The following PTPN22 variants were observed in gnomAD, a reference collection of about 807,000 sequenced individuals.
PTPN22 encodes the protein tyrosine-protein phosphatase non-receptor type 22.
A neutral mutation model predicts 103.3 loss-of-function variants in PTPN22; 85 were observed. The ratio of observed to expected loss-of-function variants is 0.82; its 90% CI spans 0.69 to 0.99. The LOEUF (loss-of-function observed/expected upper bound fraction) is 0.99, where lower values mean the gene tolerates loss of function less well. PTPN22 is among the 50% of genes least tolerant of loss of function. PTPN22 has a pLI of 0.00. For synonymous variants in PTPN22, 323 were observed against 310.2 expected, an observed-to-expected ratio of 1.04 and a Z score of -0.43; for missense variants, 865 against 936.9, an observed-to-expected ratio of 0.92 and a Z score of 1.00.
chr1:113,846,148 C>G (rs559438873), intron 11 of PTPN22, among the ~76,000 whole-genome samples: 1 of 152,246 alleles, frequency 6.6e-6, no homozygotes, highest in African/African-American at 2.4e-5. Context: ...TTAATATGGT[C>G]AAGTTTCATT....
chr1:113,869,134 T>A (rs1309875550), intron 1 of PTPN22, among the ~76,000 whole-genome samples: 1 of 152,130 alleles, frequency 6.6e-6, no homozygotes, highest in Non-Finnish European at 1.5e-5. Flanking sequence ...GAAAATCGCT[T>A]GAACCAGGGA....
exon 12 of PTPN22, chr1:113,838,617 G>T: frequency 1.2e-6 from 2 of 1,612,688 alleles, no homozygotes; most frequent in South Asian, 2.2e-5. Flanking sequence ...TGCTTTGCTT[G>T]ACTCTTTAAA....
chr1:113,826,935 C>T (rs1350036183), intron 18 of PTPN22, among the ~76,000 whole-genome samples: 1 of 152,026 alleles, frequency 6.6e-6, no homozygotes, highest in Admixed American at 6.6e-5. Flanking sequence ...TCCCAAAGTG[C>T]TGGGATTACA....
intron 1 of PTPN22, among the ~76,000 whole-genome samples, chr1:113,864,634 G>T (rs1186698035): frequency 1.4e-5 from 2 of 139,842 alleles, no homozygotes; most frequent in Non-Finnish European, 1.6e-5. Context: ...AAAAAAAAAA[G>T]GCCAGGCATG....
At chr1:113,830,441 A>G (rs1275310129) in intron 16 of PTPN22, among the ~76,000 whole-genome samples, 2 of 152,164 alleles carry the variant, frequency 1.3e-5, no homozygotes, top group Non-Finnish European at 2.9e-5. Flanking sequence ...TGTGAAAAGT[A>G]TAGAAAGGAG....
At chr1:113,848,443 G>A in intron 11 of PTPN22, 97 bp downstream of exon 11, 2 of 1,565,480 alleles carry the variant, frequency 1.3e-6, no homozygotes, top group Non-Finnish European at 1.7e-6. Context: ...TCTCAATTTA[G>A]TTGTGACAAT....
intron 15 of PTPN22, among the ~76,000 whole-genome samples, chr1:113,834,032 T>C (rs892376848): frequency 2.0e-5 from 3 of 152,236 alleles, no homozygotes; most frequent in African/African-American, 4.8e-5. Context: ...TTGAAATTCT[T>C]TATCTTTCAT....
intron 9 of PTPN22, among the ~76,000 whole-genome samples, chr1:113,853,897 G>T (rs1320315468): frequency 1.8e-5 from 2 of 110,374 alleles, no homozygotes; most frequent in Admixed American, 1.3e-4. Context: ...ACAGAGTCTC[G>T]CTCTGTCACC....
exon 10 of PTPN22, chr1:113,852,037 A>G (rs751335803): frequency 4.4e-6 from 7 of 1,607,264 alleles, no homozygotes; most frequent in Non-Finnish European, 6.0e-6. Context: ...CTGCGTTTGA[A>G]CTAATGAAGG....
At chr1:113,861,721 G>A (rs768755786) in intron 1 of PTPN22, among the ~76,000 whole-genome samples, 5 of 152,056 alleles carry the variant, frequency 3.3e-5, no homozygotes, top group South Asian at 2.1e-4. Flanking sequence ...CCAGACTCCC[G>A]GGCTCCAATA....
At chr1:113,822,259 G>C (rs1558016046) in intron 19 of PTPN22, among the ~76,000 whole-genome samples, 1 of 152,208 alleles carries the variant, frequency 6.6e-6, no homozygotes, top group Non-Finnish European at 1.5e-5. Context: ...ACAGTTGACA[G>C]CTTCCACTCT....
Position 113,838,034 on chromosome 1 carries a change from G to A in PTPN22, c.1366C>T (p.Gln456Ter). The change falls in exon 13 of 21, where the codon CAG becomes TAG. Residue 456 changes from glutamine to a stop codon, truncating the protein, a stop_gained. Coordinates refer to ENST00000359785, the Ensembl canonical transcript of PTPN22. LOFTEE classifies it high-confidence loss of function. ...TCCACCTCCTTGGTTTCTCTCTGCT[G>A]TATCAATTCAAAAGGAGTTGATTTG... 6.2e-7 allele frequency: 1 copy of A among 1,613,906 alleles called. No homozygotes were observed. Among genetic ancestry groups the A allele is most frequent in the Non-Finnish European group, 8.5e-7 (1 of 1,180,014 alleles).
chr1:113,824,080 A>T (rs1661838824), intron 19 of PTPN22, among the ~76,000 whole-genome samples: 1 of 150,096 alleles, frequency 6.7e-6, no homozygotes, highest in African/African-American at 2.5e-5. Flanking sequence ...TGTATCAAAA[A>T]TTTTTTTAAG....
At chr1:113,857,370 T>C (rs1201087077) in intron 5 of PTPN22, among the ~76,000 whole-genome samples, 1 of 152,244 alleles carries the variant, frequency 6.6e-6, no homozygotes, top group Non-Finnish European at 1.5e-5. Context: ...CCAGTCACAT[T>C]AGCCATATTT....
chr1:113,814,219 AAGAT>A (rs1344184749), exon 21 of PTPN22: 1 of 152,284 alleles, frequency 6.6e-6, no homozygotes, highest in Admixed American at 6.5e-5. Context: ...TTGCTACCAA[AAGAT>A]AGCTATTATA....
At chr1:113,838,347 A>C in exon 13 of PTPN22, 2 of 1,600,342 alleles carry the variant, frequency 1.2e-6, no homozygotes, top group East Asian at 2.2e-5. Flanking sequence ...CAAAGGAAGA[A>C]GATTCTTTGA....
Position 113,833,149 on chromosome 1 carries a change from AAAAG to A in PTPN22, c.2026-15_2026-12del, listed in dbSNP as rs1472400903. ...TCGGAGTTTTACACTCTAAAAGAAA[AAAAG>A]AAAGGAAAAGTGAAAGAAGAATATG... On this transcript the variant is annotated splice_polypyrimidine_tract_variant and intron_variant, in intron 15 of 20. Coordinates refer to ENST00000359785, the Ensembl canonical transcript of PTPN22. 1 of 1,536,506 alleles carries A rather than the reference AAAAG, an allele frequency of 6.5e-7. No individual in the cohort carries two copies.
Position 113,858,657 on chromosome 1 carries a change from T to C in PTPN22, c.274-84A>G, listed in dbSNP as rs559237608. 2.8e-5 allele frequency: 26 copies of C among 919,086 alleles called. No homozygotes were observed. In the Admixed American group the frequency reaches 3.4e-4, roughly 12 times the overall value. The allele number at this position is 919,086 out of a possible 1,614,324, so 56.9% of individuals were successfully genotyped here. A position where few individuals can be genotyped will look rare whatever the true frequency, so the allele number is the denominator to read the frequency against. Reference sequence around the variant, plus strand: ...TCCTCCGCTTCCTTTTTTTTTTTTTTTTGAGATGGTCTCACTGTGTTACCC... The same window carrying C: ...TCCTCCGCTTCCTTTTTTTTTTTTTCTTGAGATGGTCTCACTGTGTTACCC... On this transcript the variant is annotated intron_variant, in intron 3 of 20. Transcript: ENST00000359785.
chr1:113,861,370 A>G (rs1172681148), intron 1 of PTPN22, among the ~76,000 whole-genome samples: 1 of 152,048 alleles, frequency 6.6e-6, no homozygotes, highest in African/African-American at 2.4e-5. Flanking sequence ...CTTCCAAAGT[A>G]GCTGGGGTTA....
Sources: gnomAD v4.1 joint callset for allele counts (sites outside exome capture counted in the v4.1 genomes callset) on GRCh38, gnomAD v4.1.1 for gene constraint, MANE v1.5 for transcripts, NCBI Gene and HGNC (gene_info 2026-07-23, HGNC 2026-07-21) for gene names.